The following PRKG1 variants were observed in gnomAD, a reference collection of about 807,000 sequenced individuals.
The protein encoded by PRKG1 is cGMP-dependent protein kinase 1.
In PRKG1, 35 loss-of-function variants were observed where a neutral mutation model predicts 88.1. The ratio of observed to expected loss-of-function variants is 0.40; its 90% confidence interval spans 0.30 to 0.53. PRKG1 has a LOEUF of 0.53. Among genes scored for constraint, PRKG1 ranks in the 20% least tolerant of loss-of-function variants. The pLI, the probability that PRKG1 is intolerant of heterozygous loss-of-function variation, is 0.59. For missense variants in PRKG1, 540 were observed against 839.8 expected, an observed-to-expected ratio of 0.64 and a Z score of 4.41; for synonymous variants, 303 against 292.5, an observed-to-expected ratio of 1.04 and a Z score of -0.37.
intron 2 of PRKG1, among the ~76,000 whole-genome samples, chr10:51,414,491 T>C (rs1428947091): frequency 6.6e-6 from 1 of 152,228 alleles, no homozygotes; most frequent in Non-Finnish European, 1.5e-5. Flanking sequence ...CAAGGAGGTG[T>C]GTAACGAGCT....
intron 3 of PRKG1, among the ~76,000 whole-genome samples, chr10:51,802,913 C>T (rs1448917602): frequency 1.3e-5 from 2 of 152,118 alleles, no homozygotes; most frequent in Non-Finnish European, 2.9e-5. Context: ...AGCAACACTA[C>T]GGAAAGCTCA....
upstream of PRKG1, chr10:51,074,463 T>C: frequency 5.5e-6 from 8 of 1,460,624 alleles, no homozygotes; most frequent in Non-Finnish European, 7.2e-6. Context: ...GGGCTGGCTT[T>C]GGTCTCAAGT....
At chr10:52,048,319 C>A (rs543429335) in intron 5 of PRKG1, among the ~76,000 whole-genome samples, 8 of 152,032 alleles carry the variant, frequency 5.3e-5, no homozygotes, top group African/African-American at 1.9e-4. Flanking sequence ...TAATCTTGGG[C>A]TGAAATAATT....
At chr10:51,582,256 T>C (rs1838059233) in intron 3 of PRKG1, among the ~76,000 whole-genome samples, 1 of 152,210 alleles carries the variant, frequency 6.6e-6, no homozygotes, top group Non-Finnish European at 1.5e-5. Flanking sequence ...TGCTTGTTCT[T>C]GGGGCTCTAA....
At chr10:51,691,247 C>A (rs1410491808) in intron 3 of PRKG1, among the ~76,000 whole-genome samples, 1 of 147,970 alleles carries the variant, frequency 6.8e-6, no homozygotes, top group African/African-American at 2.5e-5. Context: ...CCTTTTGTTG[C>A]TGGTTGATTT....
intron 1 of PRKG1, among the ~76,000 whole-genome samples, chr10:51,049,310 T>C (rs1224984393): frequency 2.0e-5 from 3 of 152,224 alleles, no homozygotes; most frequent in Admixed American, 6.5e-5. Context: ...CTTAGGAATG[T>C]GCACAAATTA....
At position 52,170,852 on chromosome 10, in the gene PRKG1, T is replaced by A. The variant is rs1589669868; in HGVS notation, c.1076+8889T>A. On this transcript the variant is annotated intron_variant, in intron 9 of 17. Transcript: ENST00000373980. ...CAGAGACAACCCTTTAGTAACTGAT[T>A]CTGCCTGTCACAGAGAGGTTGCTCT... Among the ~76,000 whole-genome samples the A allele has an allele frequency of 2.1e-5, 3 of 145,322 alleles. 1 individual carries two copies. In the Admixed American group the frequency reaches 2.1e-4, roughly 10 times the overall value.
intron 9 of PRKG1, among the ~76,000 whole-genome samples, chr10:52,171,340 TAGA>T (rs1425879835): frequency 6.6e-6 from 1 of 152,136 alleles, no homozygotes; most frequent in Admixed American, 6.5e-5. Context: ...GTCAATTAAA[TAGA>T]CAAAACACTG....
upstream of PRKG1, among the ~76,000 whole-genome samples, chr10:51,072,454 T>C (rs888968508): frequency 2.6e-5 from 4 of 152,174 alleles, no homozygotes; most frequent in South Asian, 2.1e-4. Flanking sequence ...GAAATTTTCA[T>C]GGAAGCTTTT....
chr10:51,130,815 T>A (rs1254716678), intron 1 of PRKG1, among the ~76,000 whole-genome samples: 1 of 151,916 alleles, frequency 6.6e-6, no homozygotes. Context: ...AGGCACACAT[T>A]TGCTTGAACC....
chr10:51,204,010 G>A (rs1837978750), intron 2 of PRKG1, among the ~76,000 whole-genome samples: 1 of 152,172 alleles, frequency 6.6e-6, no homozygotes, highest in South Asian at 2.1e-4. Context: ...AAATAGGAAA[G>A]AAAAGATTTA....
chr10:51,930,495 C>CTT (rs3029977), intron 5 of PRKG1, among the ~76,000 whole-genome samples: 308 of 104,388 alleles, frequency 3.0e-3, no homozygotes, highest in Non-Finnish European at 4.1e-3. Context: ...TTTTTTTCCT[C>CTT]TTTTTTTTTT....
chr10:51,887,490 A>G (rs372345637), intron 4 of PRKG1, among the ~76,000 whole-genome samples: 9 of 152,218 alleles, frequency 5.9e-5, no homozygotes, highest in Admixed American at 4.6e-4. Context: ...AGGAAACTCA[A>G]TACTGTTTCC....
At chr10:51,048,853 C>CT (rs36099501) in intron 1 of PRKG1, among the ~76,000 whole-genome samples, 335 of 148,132 alleles carry the variant, frequency 2.3e-3, no homozygotes, top group South Asian at 2.6e-3. Flanking sequence ...AGTATAGTGA[C>CT]TTTTTTTTTT....
At chr10:52,028,536 G>C (rs2133205542) in intron 5 of PRKG1, among the ~76,000 whole-genome samples, 1 of 152,266 alleles carries the variant, frequency 6.6e-6, no homozygotes, top group South Asian at 2.1e-4. Context: ...TTCTGGGAAG[G>C]AAGGAAAAGG....
intron 2 of PRKG1, among the ~76,000 whole-genome samples, chr10:51,215,225 A>G (rs746783011): frequency 1.2e-4 from 18 of 152,198 alleles, no homozygotes; most frequent in Non-Finnish European, 2.1e-4. Context: ...CTGCTAATTA[A>G]TGGTGTCATG....
chr10:51,592,732 C>G (rs1025118198), intron 3 of PRKG1, among the ~76,000 whole-genome samples: 1 of 152,078 alleles, frequency 6.6e-6, no homozygotes, highest in African/African-American at 2.4e-5. Flanking sequence ...GGGCTCAGTA[C>G]CATTGTTTTA....
At chr10:51,348,269 A>G (rs1193343568) in intron 2 of PRKG1, among the ~76,000 whole-genome samples, 1 of 152,162 alleles carries the variant, frequency 6.6e-6, no homozygotes, top group Non-Finnish European at 1.5e-5. Context: ...TTAAACCGAT[A>G]TGTGCAATCA....
chr10:51,366,932 T>G (rs1206230784), intron 2 of PRKG1, among the ~76,000 whole-genome samples: 1 of 151,874 alleles, frequency 6.6e-6, no homozygotes, highest in African/African-American at 2.4e-5. Flanking sequence ...CTGCAAAAAT[T>G]AATGACTAAA....
Sources: gnomAD v4.1 joint callset for allele counts (sites outside exome capture counted in the v4.1 genomes callset) on GRCh38, gnomAD v4.1.1 for gene constraint, MANE v1.5 for transcripts, NCBI Gene and HGNC (gene_info 2026-07-23, HGNC 2026-07-21) for gene names.